CSMD1: variants seen among roughly 807,000 people sequenced by gnomAD.
The protein encoded by CSMD1 is CUB and Sushi multiple domains 1, also known as CUB and sushi domain-containing protein 1.
CSMD1 carries 213 observed loss-of-function variants against 417.5 expected under a neutral mutation model. That is an observed-to-expected ratio of 0.51 (90% CI 0.46 to 0.57). CSMD1 has a LOEUF of 0.57. Among genes scored for constraint, CSMD1 ranks in the 20% least tolerant of loss-of-function variants. The pLI is 0.00. For missense variants in CSMD1, 6,923 were observed against 4,529.7 expected, an observed-to-expected ratio of 1.53 and a Z score of -15.17; for synonymous variants, 2,862 against 1,736.8, an observed-to-expected ratio of 1.65 and a Z score of -16.11.
chr8:3,001,390 T>C (rs1807392801), intron 52 of CSMD1, among the ~76,000 whole-genome samples: 1 of 152,062 alleles, frequency 6.6e-6, no homozygotes, highest in African/African-American at 2.4e-5. Flanking sequence ...CTCTCTCCCT[T>C]CCTCGCATAT....
At chr8:3,389,752 A>C (rs1811235669) in intron 17 of CSMD1, among the ~76,000 whole-genome samples, 1 of 152,240 alleles carries the variant, frequency 6.6e-6, no homozygotes, top group African/African-American at 2.4e-5. Flanking sequence ...TGCGGTAGAA[A>C]TAAAAACATC....
chr8:4,224,146 T>C (rs1801206746), intron 3 of CSMD1, among the ~76,000 whole-genome samples: 1 of 152,196 alleles, frequency 6.6e-6, no homozygotes, highest in Admixed American at 6.5e-5. Context: ...TTAACTTTGT[T>C]TCGCTTACTA....
At chr8:4,770,108 T>C (rs2117140760) in intron 1 of CSMD1, among the ~76,000 whole-genome samples, 1 of 151,690 alleles carries the variant, frequency 6.6e-6, no homozygotes, top group East Asian at 1.9e-4. Flanking sequence ...TAGATCAAAA[T>C]ACTTAACGTT....
At chr8:4,021,927 G>C (rs115743222) in intron 4 of CSMD1, among the ~76,000 whole-genome samples, 8 of 152,042 alleles carry the variant, frequency 5.3e-5, no homozygotes, top group East Asian at 1.9e-4. Context: ...AAGCTGACTA[G>C]CTCTTTTGAT....
At chr8:3,349,590 A>C (rs1236368721) in intron 21 of CSMD1, among the ~76,000 whole-genome samples, 1 of 151,892 alleles carries the variant, frequency 6.6e-6, no homozygotes, top group Non-Finnish European at 1.5e-5. Context: ...CAAAGATGCC[A>C]TTGGGAATTT....
chr8:4,611,560 C>T lies in CSMD1; in HGVS notation c.302+25782G>A, dbSNP rs538860993. Among the ~76,000 whole-genome samples the T allele has an allele frequency of 1.8e-4, 27 of 152,218 alleles. No homozygotes were observed. In the East Asian group the frequency reaches 5.0e-3, roughly 28 times the overall value. On this transcript the variant is annotated intron_variant, in intron 2 of 69. Coordinates refer to ENST00000635120, the MANE Select transcript of CSMD1 (RefSeq NM_033225.6). ...GTATATGTATTGCCAAATTGCCTTC[C>T]CAGAAGTGTTTACACTTCCCCTCAC...
intron 3 of CSMD1, among the ~76,000 whole-genome samples, chr8:4,073,806 T>G (rs976556280): frequency 6.6e-6 from 1 of 152,144 alleles, no homozygotes; most frequent in Admixed American, 6.5e-5. Flanking sequence ...ATTTACCTCA[T>G]TATTAATTGG....
chr8:3,749,637 G>A, intron 6 of CSMD1, among the ~76,000 whole-genome samples: 1 of 152,188 alleles, frequency 6.6e-6, no homozygotes, highest in East Asian at 1.9e-4. Flanking sequence ...ACACAATTCT[G>A]TCCAAGCATC....
chr8:3,362,534 G>A (rs79995224), intron 20 of CSMD1, among the ~76,000 whole-genome samples: 7 of 152,086 alleles, frequency 4.6e-5, no homozygotes, highest in South Asian at 2.1e-4. Context: ...TGGCTGATTC[G>A]GAACTTCTGC....
chr8:4,357,015 T>A (rs938251473), intron 3 of CSMD1, among the ~76,000 whole-genome samples: 5 of 152,376 alleles, frequency 3.3e-5, no homozygotes, highest in African/African-American at 4.8e-5. Flanking sequence ...GAATTTCAAT[T>A]GCTATAAAAT....
At chr8:3,515,903 G>C (rs975389053) in intron 10 of CSMD1, among the ~76,000 whole-genome samples, 2 of 152,194 alleles carry the variant, frequency 1.3e-5, no homozygotes, top group African/African-American at 4.8e-5. Context: ...ATAGTGTTTG[G>C]TTACAGCAGA....
At chr8:3,373,723 G>A (rs765854178) in intron 18 of CSMD1, 19 of 152,074 alleles carry the variant, frequency 1.2e-4, no homozygotes, top group Non-Finnish European at 2.2e-4. Flanking sequence ...ATCCTTTTCT[G>A]AGTAGCTGTA....
rs1196324821 is a variant in CSMD1 at position 4,719,194 on chromosome 8, G to T, written c.86-81636C>A. Reference sequence around the variant, plus strand: ...AAAAGACTACACAGCTAGAGAAAGTGCAGGGGTGGGGGAGACTAGATGGCA... The same window carrying T: ...AAAAGACTACACAGCTAGAGAAAGTTCAGGGGTGGGGGAGACTAGATGGCA... On this transcript the variant is annotated intron_variant, in intron 1 of 69. Transcript: ENST00000635120. 3.3e-5 allele frequency among the ~76,000 whole-genome samples: 5 copies of T among 152,180 alleles called. No individual in the cohort carries two copies. In the East Asian group the frequency reaches 9.6e-4, roughly 29 times the overall value.
chr8:3,018,098 T>C (rs1809016041), intron 52 of CSMD1, among the ~76,000 whole-genome samples: 1 of 152,246 alleles, frequency 6.6e-6, no homozygotes, highest in Non-Finnish European at 1.5e-5. Context: ...TTCACTGTAC[T>C]TATGTCAATT....
At chr8:4,233,526 G>A (rs540799134) in intron 3 of CSMD1, among the ~76,000 whole-genome samples, 30 of 152,266 alleles carry the variant, frequency 2.0e-4, no homozygotes, top group South Asian at 1.2e-3. Context: ...AAAAGAGGAC[G>A]CAGAGAGCTC....
intron 46 of CSMD1, among the ~76,000 whole-genome samples, chr8:3,101,309 C>G (rs1470886783): frequency 6.6e-6 from 1 of 152,190 alleles, no homozygotes; most frequent in Non-Finnish European, 1.5e-5. Flanking sequence ...ATTCTCTTCA[C>G]TTTTTGAAAT....
intron 1 of CSMD1, among the ~76,000 whole-genome samples, chr8:4,795,456 G>C (rs766981114): frequency 6.6e-5 from 10 of 151,346 alleles, no homozygotes; most frequent in Non-Finnish European, 1.0e-4. Flanking sequence ...ATTTTTAGTA[G>C]AGATGGGGTT....
At chr8:4,158,922 T>C (rs867394996) in intron 3 of CSMD1, among the ~76,000 whole-genome samples, 2 of 152,198 alleles carry the variant, frequency 1.3e-5, no homozygotes, top group Non-Finnish European at 2.9e-5. Context: ...TCTATAATTA[T>C]TATTTGTTTT....
At chr8:4,476,945 G>T (rs1800833484) in intron 2 of CSMD1, among the ~76,000 whole-genome samples, 1 of 152,206 alleles carries the variant, frequency 6.6e-6, no homozygotes, top group African/African-American at 2.4e-5. Flanking sequence ...GGGAAGGTAG[G>T]TAAAGAAAAG....
Sources: allele counts gnomAD v4.1 joint callset (sites outside exome capture counted in the v4.1 genomes callset), GRCh38; gene constraint gnomAD v4.1.1; transcripts MANE v1.5; gene names NCBI Gene and HGNC (gene_info 2026-07-23, HGNC 2026-07-21).